The following RSRC1 variants were observed in gnomAD, a reference collection of about 807,000 sequenced individuals.
RSRC1 encodes serine/Arginine-related protein 53.
RSRC1 carries 39 observed loss-of-function variants against 49.1 expected under a neutral mutation model. That is an observed-to-expected ratio of 0.79 (90% CI 0.61 to 1.04). RSRC1 has a LOEUF of 1.04. RSRC1 is among the 50% of genes least tolerant of loss of function. The pLI is 0.00. For synonymous variants in RSRC1, 143 were observed against 130.8 expected (o/e 1.09, Z -0.63); for missense variants, 388 against 402.4 (o/e 0.96, Z 0.31).
chr3:158,196,540 G>A (rs1477802655), intron 3 of RSRC1, among the ~76,000 whole-genome samples: 1 of 151,676 alleles, frequency 6.6e-6, no homozygotes. Context: ...ACACTATGTT[G>A]AATAGGAGTG....
chr3:158,227,565 G>A (rs1036455278), intron 4 of RSRC1, among the ~76,000 whole-genome samples: 5 of 152,014 alleles, frequency 3.3e-5, no homozygotes, highest in African/African-American at 1.2e-4. Flanking sequence ...GGTGGTGGTA[G>A]GTAGATACAC....
intron 6 of RSRC1, among the ~76,000 whole-genome samples, chr3:158,435,287 T>C (rs1735986797): frequency 6.6e-6 from 1 of 151,838 alleles, no homozygotes; most frequent in Admixed American, 6.6e-5. Flanking sequence ...TTAATAATAT[T>C]AAATTTCAAG....
intron 4 of RSRC1, among the ~76,000 whole-genome samples, chr3:158,257,561 G>A (rs1724637306): frequency 6.6e-6 from 1 of 152,062 alleles, no homozygotes; most frequent in Admixed American, 6.6e-5. Flanking sequence ...GTAGGCAGCA[G>A]ATCATTGTGT....
At chr3:158,414,398 C>G (rs544572172) in intron 6 of RSRC1, among the ~76,000 whole-genome samples, 2 of 151,712 alleles carry the variant, frequency 1.3e-5, no homozygotes, top group Admixed American at 6.6e-5. Flanking sequence ...TGGGGCCTGT[C>G]GGGGGTCAGG....
At chr3:158,334,143 A>C (rs1316493613) in intron 5 of RSRC1, among the ~76,000 whole-genome samples, 1 of 152,214 alleles carries the variant, frequency 6.6e-6, no homozygotes, top group Non-Finnish European at 1.5e-5. Flanking sequence ...ATGCTAAATA[A>C]AAGAAGATAC....
chr3:158,234,939 C>G (rs905774753), intron 4 of RSRC1, among the ~76,000 whole-genome samples: 1 of 151,908 alleles, frequency 6.6e-6, no homozygotes, highest in Non-Finnish European at 1.5e-5. Context: ...GTTATAGAAC[C>G]AATATAGCCA....
chr3:158,460,607 C>G (rs2108404907), intron 6 of RSRC1, among the ~76,000 whole-genome samples: 1 of 151,946 alleles, frequency 6.6e-6, no homozygotes, highest in Middle Eastern at 3.4e-3. Flanking sequence ...AAAACAAATG[C>G]ATTACACTGA....
At chr3:158,391,679 G>A (rs1008412787) in intron 6 of RSRC1, among the ~76,000 whole-genome samples, 11 of 151,936 alleles carry the variant, frequency 7.2e-5, no homozygotes, top group Admixed American at 6.6e-5. Flanking sequence ...CTGGGAGGGT[G>A]GTAGATGTCA....
chr3:158,142,375 C>G (rs1274762003), intron 3 of RSRC1, among the ~76,000 whole-genome samples: 1 of 152,108 alleles, frequency 6.6e-6, no homozygotes, highest in Non-Finnish European at 1.5e-5. Flanking sequence ...ATCCTGTAGC[C>G]ATCTTGGAAT....
At chr3:158,195,044 C>T (rs1174478786) in intron 3 of RSRC1, among the ~76,000 whole-genome samples, 1 of 152,152 alleles carries the variant, frequency 6.6e-6, no homozygotes, top group Admixed American at 6.5e-5. Context: ...TATGGTATTT[C>T]TAGTTCTAGA....
intron 3 of RSRC1, among the ~76,000 whole-genome samples, chr3:158,182,052 G>A (rs1001614408): frequency 6.6e-6 from 1 of 152,150 alleles, no homozygotes; most frequent in Non-Finnish European, 1.5e-5. Context: ...TATAGAACAA[G>A]TTATGGAGCA....
At chr3:158,516,620 C>G (rs935913277) in intron 7 of RSRC1, among the ~76,000 whole-genome samples, 1 of 152,178 alleles carries the variant, frequency 6.6e-6, no homozygotes, top group Admixed American at 6.5e-5. Flanking sequence ...GTGGTGGGCT[C>G]CACCCGGTTG....
Position 158,260,879 on chromosome 3 carries a change from T to C in RSRC1, c.495-37160T>C, listed in dbSNP as rs542139492. Among the ~76,000 whole-genome samples, 21 of 152,322 alleles carry C rather than the reference T, an allele frequency of 1.4e-4. No individual in the cohort carries two copies. In the South Asian group the frequency reaches 4.4e-3, roughly 32 times the overall value. ...CCAACATAAAGTCCCACAATCACTG[T>C]ACTTTCCCTCCCCCAAGTGCACAGA... On this transcript the variant is annotated intron_variant, in intron 4 of 9. Transcript: ENST00000611884.
chr3:158,237,021 G>T (rs1029986303), intron 4 of RSRC1, among the ~76,000 whole-genome samples: 3 of 152,094 alleles, frequency 2.0e-5, no homozygotes, highest in Non-Finnish European at 4.4e-5. Context: ...TCAACACTCA[G>T]GCTTACCAAG....
intron 5 of RSRC1, among the ~76,000 whole-genome samples, chr3:158,346,714 T>C (rs1255358032): frequency 6.6e-6 from 1 of 152,218 alleles, no homozygotes; most frequent in East Asian, 1.9e-4. Flanking sequence ...CTTGGTAGTT[T>C]CTTAAAAAGT....
intron 7 of RSRC1, among the ~76,000 whole-genome samples, chr3:158,521,626 G>A (rs1354471695): frequency 6.6e-6 from 1 of 152,110 alleles, no homozygotes; most frequent in Admixed American, 6.6e-5. Context: ...TAGTTGTGAA[G>A]CTAGAACTTA....
intron 6 of RSRC1, among the ~76,000 whole-genome samples, chr3:158,437,468 A>G (rs1176561482): frequency 1.3e-5 from 2 of 152,152 alleles, no homozygotes; most frequent in Non-Finnish European, 2.9e-5. Flanking sequence ...ATTGACCATG[A>G]TCAAGTCAGC....
chr3:158,131,986 T>C (rs1716057223), intron 3 of RSRC1: 3 of 224,418 alleles, frequency 1.3e-5, no homozygotes. Context: ...TTTTATTATA[T>C]TTTATTTATT....
chr3:158,305,346 G>T (rs1160260364), intron 5 of RSRC1, among the ~76,000 whole-genome samples: 1 of 151,950 alleles, frequency 6.6e-6, no homozygotes, highest in African/African-American at 2.4e-5. Context: ...TGACTTTTAT[G>T]CACCTGAGGT....
Sources: gnomAD v4.1 joint callset for allele counts (sites outside exome capture counted in the v4.1 genomes callset) on GRCh38, gnomAD v4.1.1 for gene constraint, MANE v1.5 for transcripts, NCBI Gene and HGNC (gene_info 2026-07-23, HGNC 2026-07-21) for gene names.